Variants in FREM1 observed in about 807,000 individuals in gnomAD.
FREM1 encodes the protein FRAS1 related extracellular matrix 1, also known as FRAS1-related extracellular matrix protein 1.
A neutral mutation model predicts 210.1 loss-of-function variants in FREM1; 220 were observed. That is an observed-to-expected ratio of 1.05 (90% CI 0.94 to 1.17). FREM1 has a LOEUF of 1.17. Among genes scored for constraint, FREM1 ranks in the 50% most tolerant of loss-of-function variants. The probability of loss-of-function intolerance (pLI) is 0.00; values close to 1 mark genes in which losing one functional copy is unlikely to be tolerated. For synonymous variants in FREM1, 1,189 were observed against 980.2 expected, an observed-to-expected ratio of 1.21 and a Z score of -3.98; for missense variants, 3,454 against 2,675.5, an observed-to-expected ratio of 1.29 and a Z score of -6.42.
intron 10 of FREM1, among the ~76,000 whole-genome samples, chr9:14,832,349 C>T (rs1184259341): frequency 1.3e-5 from 2 of 152,064 alleles, no homozygotes; most frequent in Non-Finnish European, 2.9e-5. Context: ...GGTATTTGAC[C>T]GTACACAGAG....
At chr9:14,803,155 CCTT>C (rs563461519) in intron 19 of FREM1, among the ~76,000 whole-genome samples, 33 of 133,032 alleles carry the variant, frequency 2.5e-4, no homozygotes, top group South Asian at 8.8e-4. Context: ...CCCCTTCCTT[CCTT>C]CATCTTTCTT....
rs1820894218 is a variant in FREM1, at chr9:14,819,522, A to C, written c.2338-80T>G. ...ACAGAGCTCATTACATCACTGTAAA[A>C]CTTCCAGTATTATCTTCACATGCAA... On this transcript the variant is annotated intron_variant, in intron 13 of 36. Transcript: ENST00000380880. The C allele has an allele frequency of 3.9e-6, 3 of 761,578 alleles. No homozygotes were observed. The Admixed American group carries it at 7.5e-5, about 19-fold the overall frequency. The allele number at this position is 761,578 out of a possible 1,614,324, so 47.2% of individuals were successfully genotyped here.
chr9:14,740,330 A>T (rs1002001171), intron 35 of FREM1, 96 bp from the exon 36 acceptor site: 2 of 902,900 alleles, frequency 2.2e-6, no homozygotes, highest in Non-Finnish European at 3.5e-6. Context: ...TTTAAAATAC[A>T]CAAAAAAGTA....
Position 14,746,334 on chromosome 9 carries a change from G to A in FREM1, c.6254+19C>T, listed in dbSNP as rs371001849. On this transcript the variant is annotated intron_variant, in intron 35 of 36. Transcript: ENST00000380880. The stretch of plus-strand genomic sequence containing the variant: ...AGAGAAAAGAAAACACCAATCAAAT[G>A]TGCAATAGGGTGCCTTACTGTTCCC... 6.6e-6 allele frequency: 10 copies of A among 1,522,860 alleles called. No homozygotes were observed. Among genetic ancestry groups the A allele is most frequent in the Admixed American group, 1.7e-5 (1 of 59,168 alleles). 94.3% of individuals were successfully genotyped at this position (1,522,860 alleles called of 1,614,324 possible). A position where few individuals can be genotyped will look rare whatever the true frequency, so the allele number is the denominator to read the frequency against.
chr9:14,763,582 G>A (rs1018333958), intron 27 of FREM1, among the ~76,000 whole-genome samples: 13 of 152,208 alleles, frequency 8.5e-5, no homozygotes, highest in African/African-American at 2.9e-4. Context: ...ATGGCATGGA[G>A]CAGTGGAAAT....
chr9:14,860,449 G>C (rs534344776), intron 3 of FREM1, among the ~76,000 whole-genome samples: 22 of 151,898 alleles, frequency 1.4e-4, no homozygotes, highest in African/African-American at 4.8e-4. Flanking sequence ...CCCAAGGAAG[G>C]AGTAGAAGAA....
chr9:14,743,259 G>C (rs1426520348), intron 35 of FREM1, among the ~76,000 whole-genome samples: 1 of 151,790 alleles, frequency 6.6e-6, no homozygotes, highest in East Asian at 1.9e-4. Context: ...ATGATCGAAT[G>C]GTACAGTATT....
At chr9:14,873,081 T>C (rs1490278591) in intron 1 of FREM1, among the ~76,000 whole-genome samples, 4 of 152,220 alleles carry the variant, frequency 2.6e-5, no homozygotes, top group African/African-American at 7.2e-5. Context: ...CAGTATCTTA[T>C]TGAGGATTTT....
rs143806171 is a variant in FREM1, at chr9:14,834,261, A to G, written c.1881+7186T>C. ...GATGGGCTGATTACAAAATAAGCCA[A>G]TTGGCTTTGGGTTGCCTTGAAATGA... On this transcript the variant is annotated intron_variant, in intron 10 of 36. Transcript: ENST00000380880. 3.4e-3 allele frequency among the ~76,000 whole-genome samples: 515 copies of G among 152,306 alleles called. 5 individuals are homozygous for G. The highest frequency in any genetic ancestry group is 0.011 in the African/African-American group (474 of 41,580).
rs745828059 is a variant in FREM1 at position 14,748,646 on chromosome 9, G to A, written c.5558-7C>T. 2.0e-5 allele frequency: 31 copies of A among 1,583,520 alleles called. No homozygotes were observed. The South Asian group carries it at 2.9e-4, about 15-fold the overall frequency. On this transcript the variant is annotated splice_region_variant and splice_polypyrimidine_tract_variant and intron_variant, in intron 30 of 36. Transcript: ENST00000380880. The stretch of plus-strand genomic sequence containing the variant: ...TATGAAGGATGGCATTGTCCTGGAG[G>A]CATGCAAGATGGCAGGCGGTCAGTT...
intron 24 of FREM1, chr9:14,779,460 T>C: frequency 1.0e-6 from 1 of 984,788 alleles, no homozygotes; most frequent in Non-Finnish European, 1.2e-6. Flanking sequence ...AAATGCAAGC[T>C]TGAGTGAGTG....
intron 8 of FREM1, among the ~76,000 whole-genome samples, chr9:14,844,787 T>G (rs555317537): frequency 1.3e-5 from 2 of 152,332 alleles, no homozygotes; most frequent in Non-Finnish European, 2.9e-5. Context: ...AATTGTTGTA[T>G]TGTGCTCCTA....
At chr9:14,766,474 G>A (rs1563870320) in intron 27 of FREM1, among the ~76,000 whole-genome samples, 1 of 152,092 alleles carries the variant, frequency 6.6e-6, no homozygotes, top group African/African-American at 2.4e-5. Flanking sequence ...CGCACATCTC[G>A]ATGATTCCAG....
Position 14,842,635 on chromosome 9 carries a change from C to A in FREM1, c.1419G>T (p.Val473=), listed in dbSNP as rs755263864. 38 of 1,613,664 alleles carry A rather than the reference C, an allele frequency of 2.4e-5. No homozygotes were observed. Among genetic ancestry groups the A allele is most frequent in the Admixed American group, 5.0e-5 (3 of 60,024 alleles). The change falls in exon 9 of 37, where the codon GTG becomes GTT. Residue 473 remains valine, a synonymous_variant. Transcript: ENST00000380880. ...LRGGKGFLFT[V]ADLQAGVVRY... ...GAACAACTCCAGCCTGGAGGTCAGCCACGGTGAAGAGAAACCCTTTCCCCC... is the reference window on the plus strand; with the variant it reads ...GAACAACTCCAGCCTGGAGGTCAGCAACGGTGAAGAGAAACCCTTTCCCCC...
At chr9:14,807,893 G>A in intron 17 of FREM1, 47 bp downstream of exon 17, 1 of 1,296,752 alleles carries the variant, frequency 7.7e-7, no homozygotes, top group Non-Finnish European at 1.1e-6. Flanking sequence ...CCACAGGTAT[G>A]ACACTAGGTC....
chr9:14,759,757 T>C lies in FREM1; in HGVS notation c.5334+15A>G. 1 of 1,566,916 alleles carries C rather than the reference T, an allele frequency of 6.4e-7. No homozygotes were observed. Among genetic ancestry groups the C allele is most frequent in the Non-Finnish European group, 8.7e-7 (1 of 1,155,312 alleles). On this transcript the variant is annotated intron_variant, in intron 28 of 36. Coordinates refer to ENST00000380880, the MANE Select transcript of FREM1 (RefSeq NM_001379081.2). ...ATAAGTTTTAGCTTGATAATTTACA[T>C]TTCAGAGTCATTACCTTTATACCCA...
At chr9:14,890,634 G>T (rs781365127) in intron 1 of FREM1, among the ~76,000 whole-genome samples, 1 of 152,118 alleles carries the variant, frequency 6.6e-6, no homozygotes, top group Non-Finnish European at 1.5e-5. Context: ...TGGCCAGAGG[G>T]TATCTAAAAC....
At chr9:14,765,945 T>G (rs1349327288) in intron 27 of FREM1, among the ~76,000 whole-genome samples, 1 of 152,202 alleles carries the variant, frequency 6.6e-6, no homozygotes, top group African/African-American at 2.4e-5. Flanking sequence ...TCCACAAAAG[T>G]GCTTTTCATG....
intron 1 of FREM1, among the ~76,000 whole-genome samples, chr9:14,879,952 T>G (rs1834495080): frequency 6.6e-6 from 1 of 152,098 alleles, no homozygotes; most frequent in African/African-American, 2.4e-5. Flanking sequence ...TTGTGTCCCC[T>G]CACCAAATTT....
Sources: allele counts gnomAD v4.1 joint callset (sites outside exome capture counted in the v4.1 genomes callset), GRCh38; gene constraint gnomAD v4.1.1; transcripts MANE v1.5; gene names NCBI Gene and HGNC (gene_info 2026-07-23, HGNC 2026-07-21).